The following KHDRBS3 variants were observed in gnomAD, a reference collection of about 807,000 sequenced individuals.
The protein encoded by KHDRBS3 is KH RNA binding domain containing, signal transduction associated 3, also known as KH domain-containing, RNA-binding, signal transduction-associated protein 3.
KHDRBS3 carries 23 observed loss-of-function variants against 45.6 expected under a neutral mutation model. The observed-to-expected ratio is 0.50, with a 90% CI of 0.36 to 0.72. The LOEUF (loss-of-function observed/expected upper bound fraction) is 0.72, where lower values mean the gene tolerates loss of function less well. Among genes scored for constraint, KHDRBS3 ranks in the 30% least tolerant of loss-of-function variants. KHDRBS3 has a pLI of 0.00. For synonymous variants in KHDRBS3, 162 were observed against 156.5 expected (o/e 1.04, Z -0.26); for missense variants, 352 against 424.8 (o/e 0.83, Z 1.51).
chr8:135,616,811 C>G (rs1586810296), intron 7 of KHDRBS3, among the ~76,000 whole-genome samples: 1 of 152,096 alleles, frequency 6.6e-6, no homozygotes, highest in African/African-American at 2.4e-5. Flanking sequence ...ACTCTAAAGT[C>G]TTTCTATGTT....
chr8:135,494,314 T>G (rs1383996758), intron 1 of KHDRBS3, among the ~76,000 whole-genome samples: 2 of 140,718 alleles, frequency 1.4e-5, no homozygotes, highest in African/African-American at 5.6e-5. Flanking sequence ...AGTCTCACTC[T>G]GTCACCCAGG....
intron 4 of KHDRBS3, among the ~76,000 whole-genome samples, chr8:135,550,561 C>T (rs1457405807): frequency 6.6e-6 from 1 of 152,106 alleles, no homozygotes; most frequent in Non-Finnish European, 1.5e-5. Flanking sequence ...TCTGCATTCT[C>T]AAATTCTTTT....
chr8:135,656,302 G>A (rs925254585), exon 5 of KHDRBS3: 3 of 152,092 alleles, frequency 2.0e-5, no homozygotes, highest in Admixed American at 2.0e-4. Context: ...GAATCCACTT[G>A]GGAACTTGAA....
intron 1 of KHDRBS3, among the ~76,000 whole-genome samples, chr8:135,459,947 G>A (rs1361756408): frequency 6.6e-6 from 1 of 152,190 alleles, no homozygotes; most frequent in Non-Finnish European, 1.5e-5. Context: ...AAGGAAGGAG[G>A]AGGTGCTGCT....
downstream of KHDRBS3, among the ~76,000 whole-genome samples, chr8:135,652,354 A>G (rs1015316323): frequency 6.6e-6 from 1 of 152,196 alleles, no homozygotes; most frequent in Admixed American, 6.5e-5. Flanking sequence ...CATTGCTGAA[A>G]TCATTTTTCA....
At chr8:135,648,468 A>T (rs1831364881), downstream of KHDRBS3, 1 of 152,178 alleles carries the variant, frequency 6.6e-6, no homozygotes, top group Non-Finnish European at 1.5e-5. Context: ...GATTGTGTAA[A>T]ATGTTTAATT....
At chr8:135,536,234 G>GTTTTTTTTT (rs374782370) in intron 2 of KHDRBS3, among the ~76,000 whole-genome samples, 36 of 86,410 alleles carry the variant, frequency 4.2e-4, no homozygotes, top group East Asian at 1.5e-3. Context: ...TTTCTGTCCA[G>GTTTTTTTTT]TTTTTTTTTT....
intron 1 of KHDRBS3, 57 bp downstream of exon 1, chr8:135,458,011 CG>C: frequency 4.6e-6 from 7 of 1,519,802 alleles, no homozygotes; most frequent in Non-Finnish European, 6.2e-6. Flanking sequence ...GGTGGAAACG[CG>C]GGGGCCCAGG....
At chr8:135,614,704 A>AG (rs1174050299) in intron 7 of KHDRBS3, among the ~76,000 whole-genome samples, 1 of 151,586 alleles carries the variant, frequency 6.6e-6, no homozygotes, top group Non-Finnish European at 1.5e-5. Flanking sequence ...CCCCATGGTA[A>AG]GGGAAAAAAA....
chr8:135,576,087 C>G (rs1207535837), intron 5 of KHDRBS3, among the ~76,000 whole-genome samples: 1 of 152,078 alleles, frequency 6.6e-6, no homozygotes, highest in Non-Finnish European at 1.5e-5. Flanking sequence ...CATCATTAAC[C>G]TGGGCTTATG....
At chr8:135,602,743 T>C (rs1829274458) in intron 6 of KHDRBS3, among the ~76,000 whole-genome samples, 1 of 152,214 alleles carries the variant, frequency 6.6e-6, no homozygotes, top group South Asian at 2.1e-4. Context: ...GTTGCAAGTC[T>C]CAACTTCATC....
chr8:135,638,087 C>T (rs1481522118), intron 7 of KHDRBS3, among the ~76,000 whole-genome samples: 5 of 152,096 alleles, frequency 3.3e-5, no homozygotes, highest in Admixed American at 2.6e-4. Flanking sequence ...AAGGGTGCTA[C>T]AATGGTAGAG....
chr8:135,619,139 C>A (rs1830036376), intron 7 of KHDRBS3, among the ~76,000 whole-genome samples: 1 of 151,914 alleles, frequency 6.6e-6, no homozygotes, highest in Non-Finnish European at 1.5e-5. Context: ...CTGTAAAGGA[C>A]CAAAAAGTAG....
intron 5 of KHDRBS3, among the ~76,000 whole-genome samples, chr8:135,564,478 G>A (rs558045619): frequency 1.3e-5 from 2 of 152,224 alleles, no homozygotes; most frequent in South Asian, 4.2e-4. Flanking sequence ...AAGTTGTTTG[G>A]TACTCACAAT....
chr8:135,526,347 A>G (rs1825186249), intron 2 of KHDRBS3, among the ~76,000 whole-genome samples: 1 of 151,888 alleles, frequency 6.6e-6, no homozygotes, highest in Admixed American at 6.5e-5. Flanking sequence ...TTTAAGATTT[A>G]AATTATAATT....
At chr8:135,498,933 A>G (rs963345993) in intron 1 of KHDRBS3, among the ~76,000 whole-genome samples, 1 of 152,276 alleles carries the variant, frequency 6.6e-6, no homozygotes, top group East Asian at 1.9e-4. Flanking sequence ...ATTGTTTTAA[A>G]CAAATCTGCA....
At chr8:135,619,971 G>A (rs1830070659) in intron 7 of KHDRBS3, among the ~76,000 whole-genome samples, 2 of 152,072 alleles carry the variant, frequency 1.3e-5, no homozygotes, top group African/African-American at 4.8e-5. Flanking sequence ...ACCAAATATA[G>A]CAATATTGCT....
chr8:135,545,382 G>C (rs1826243501), intron 3 of KHDRBS3, among the ~76,000 whole-genome samples: 1 of 152,132 alleles, frequency 6.6e-6, no homozygotes, highest in African/African-American at 2.4e-5. Context: ...CGTGTGGAAG[G>C]CTCTGTGGCA....
intron 1 of KHDRBS3, among the ~76,000 whole-genome samples, chr8:135,493,216 AGTGGGTTTGTT>A (rs1823246220): frequency 6.6e-6 from 1 of 151,856 alleles, no homozygotes; most frequent in South Asian, 2.1e-4. Flanking sequence ...TAGCTGGGAC[AGTGGGTTTGTT>A]GTAGACTCCT....
Sources: allele counts gnomAD v4.1 joint callset (sites outside exome capture counted in the v4.1 genomes callset), GRCh38; gene constraint gnomAD v4.1.1; transcripts MANE v1.5; gene names NCBI Gene and HGNC (gene_info 2026-07-23, HGNC 2026-07-21).